Variants in PPP1R13B observed in about 807,000 individuals in gnomAD.
PPP1R13B encodes the protein protein phosphatase 1 regulatory subunit 13B.
In PPP1R13B, 44 loss-of-function variants were observed where a neutral mutation model predicts 119.8. That is an observed-to-expected ratio of 0.37 (90% confidence interval 0.29 to 0.47). The LOEUF (loss-of-function observed/expected upper bound fraction) is 0.47. PPP1R13B is among the 20% of genes least tolerant of loss of function. The probability of loss-of-function intolerance (pLI) is 0.99; values close to 1 mark genes in which losing one functional copy is unlikely to be tolerated. For missense variants in PPP1R13B, 1,227 were observed against 1,413.5 expected (o/e 0.87, Z 2.12); for synonymous variants, 542 against 561.5 (o/e 0.97, Z 0.49).
chr14:103,758,477 G>C (rs2084729118), intron 4 of PPP1R13B, among the ~76,000 whole-genome samples: 1 of 152,226 alleles, frequency 6.6e-6, no homozygotes, highest in Non-Finnish European at 1.5e-5. Flanking sequence ...CAGAGACACA[G>C]AGTCTATGTT....
At position 103,740,314 on chromosome 14, in the gene PPP1R13B, G is replaced by A. The variant is rs1170589510; in HGVS notation, c.2102C>T (p.Ala701Val). Reference sequence around the variant, plus strand: ...GCTGCGCTTTTTCAGGGGCCGGGGCGCGTTGGCCAGCTTCCTGCGGAGGGC... The same window carrying A: ...GCTGCGCTTTTTCAGGGGCCGGGGCACGTTGGCCAGCTTCCTGCGGAGGGC... Reference protein sequence around the residue: ...LEALRRKLANAPRPLKKRSSI... With the variant: ...LEALRRKLANVPRPLKKRSSI... The change falls in exon 12 of 17, where the codon GCG (alanine) becomes GTG (valine). Residue 701 changes from alanine to valine, a missense_variant. Transcript: ENST00000202556. The surrounding 1 kb of genome is among the most constrained non-coding windows in gnomAD (Gnocchi z 4.6). 3.8e-6 allele frequency: 6 copies of A among 1,574,940 alleles called. No individual in the cohort carries two copies. Among genetic ancestry groups the A allele is most frequent in the Non-Finnish European group, 4.3e-6 (5 of 1,160,718 alleles).
intron 4 of PPP1R13B, among the ~76,000 whole-genome samples, chr14:103,769,378 A>C (rs927668893): frequency 6.6e-6 from 1 of 152,050 alleles, no homozygotes; most frequent in African/African-American, 2.4e-5. Context: ...GGTGTGGGCC[A>C]CTGTGCTTGG....
Position 103,739,113 on chromosome 14 carries a change from A to G in PPP1R13B, c.2593-90T>C, listed in dbSNP as rs1029629533. On this transcript the variant is annotated intron_variant, in intron 12 of 16. Coordinates refer to ENST00000202556, the MANE Select transcript of PPP1R13B (RefSeq NM_015316.3). ...GCTGGGAAGGAGTGGTGGGAGCTAA[A>G]GCCCAAAGACAGTGGCTCCGCGAAG... 2.0e-6 allele frequency: 3 copies of G among 1,526,746 alleles called. No individual in the cohort carries two copies. The African/African-American group carries it at 4.1e-5, about 21-fold the overall frequency. 94.6% of individuals were successfully genotyped at this position (1,526,746 alleles called of 1,614,324 possible).
rs1555441225 is a variant in PPP1R13B at position 103,791,118 on chromosome 14, T to TTC, written c.158-6205_158-6204insGA. Among the ~76,000 whole-genome samples the TTC allele has an allele frequency of 4.4e-4, 64 of 144,848 alleles. No homozygotes were observed. The East Asian group carries it at 0.012, about 28-fold the overall frequency. On this transcript the variant is annotated intron_variant, in intron 2 of 16. Transcript: ENST00000202556. ...TAATGCACATTATGCTGCTGACTTT[T>TTC]TTCTTCTTTTTTTTTTTTTAAGAGA...
At chr14:103,777,001 G>A (rs904978825) in intron 4 of PPP1R13B, among the ~76,000 whole-genome samples, 8 of 151,526 alleles carry the variant, frequency 5.3e-5, no homozygotes, top group East Asian at 1.9e-4. Flanking sequence ...CCAACATTTC[G>A]GCTTTTTTTG....
In PPP1R13B at chr14:103,784,880, T is replaced by A; in HGVS notation, c.192A>T (p.Glu64Asp). 1 of 1,607,982 alleles carries A rather than the reference T, an allele frequency of 6.2e-7. No homozygotes were observed. ...TCCGTGGACCCCATTTCTGAAGATG[T>A]TCGTACATCATATGATCAAAGGGTA... ...RPIPFDHMMY[E>D]HLQKWGPRRE... Residue 64 changes from glutamate to aspartate, a missense_variant, in exon 3 of 17, where the codon GAA (glutamate) becomes GAT (aspartate). By Grantham distance (45) the Glu-to-Asp change is conservative. Coordinates refer to ENST00000202556, the MANE Select transcript of PPP1R13B (RefSeq NM_015316.3).
intron 2 of PPP1R13B, among the ~76,000 whole-genome samples, chr14:103,789,569 C>T (rs1316014575): frequency 2.7e-5 from 4 of 150,084 alleles, no homozygotes; most frequent in Non-Finnish European, 5.9e-5. Context: ...GGCTAGAGTA[C>T]AGTGGCGCCA....
chr14:103,808,152 T>G (rs549180969), intron 1 of PPP1R13B, among the ~76,000 whole-genome samples: 1 of 151,114 alleles, frequency 6.6e-6, no homozygotes, highest in African/African-American at 2.4e-5. Context: ...GCTGAGACAG[T>G]GGAATCCCTT....
chr14:103,793,150 G>A (rs998019295), intron 2 of PPP1R13B, among the ~76,000 whole-genome samples: 1 of 145,424 alleles, frequency 6.9e-6, no homozygotes, highest in Admixed American at 6.9e-5. Context: ...GGAGGGAAAG[G>A]AGGGGAAGGG....
intron 7 of PPP1R13B, among the ~76,000 whole-genome samples, chr14:103,750,867 G>A (rs1387918066): frequency 6.6e-6 from 1 of 150,784 alleles, no homozygotes; most frequent in Non-Finnish European, 1.5e-5. Context: ...ATAAAAACTG[G>A]GTTGCAGGCT....
chr14:103,762,563 T>C (rs369692415), intron 4 of PPP1R13B, among the ~76,000 whole-genome samples: 4 of 149,474 alleles, frequency 2.7e-5, no homozygotes, highest in African/African-American at 9.9e-5. Context: ...CAAACCTGCA[T>C]GTTGTGCACA....
intron 1 of PPP1R13B, among the ~76,000 whole-genome samples, chr14:103,811,319 T>C (rs1370823517): frequency 1.3e-5 from 2 of 151,904 alleles, no homozygotes; most frequent in African/African-American, 2.4e-5. Flanking sequence ...ATTAAGAGAA[T>C]GAAAAGACAA....
rs1272336163 is a variant in PPP1R13B at position 103,740,479 on chromosome 14, T to A, written c.1937A>T (p.Glu646Val). ...PQPQPPSESTEKEPEQDGPAA... is the reference protein window; with the variant it reads ...PQPQPPSESTVKEPEQDGPAA... ...GGGGCCATCCTGCTCAGGCTCTTTC[T>A]CAGTACTTTCTGAAGGTGGCTGAGG... The change falls in exon 12 of 17, where the codon GAG becomes GTG. Residue 646 changes from glutamate (E) to valine (V), a missense_variant. Transcript: ENST00000202556. The surrounding 1 kb of genome is among the most constrained non-coding windows in gnomAD (Gnocchi z 4.6). 1.2e-6 allele frequency: 2 copies of A among 1,609,302 alleles called. No individual in the cohort carries two copies. Among genetic ancestry groups the A allele is most frequent in the Admixed American group, 1.7e-5 (1 of 59,728 alleles).
At chr14:103,839,726 C>T (rs998512362) in intron 1 of PPP1R13B, among the ~76,000 whole-genome samples, 5 of 152,118 alleles carry the variant, frequency 3.3e-5, no homozygotes, top group African/African-American at 9.7e-5. Flanking sequence ...CACCTGACTT[C>T]ACCTCCTCCA....
intron 4 of PPP1R13B, among the ~76,000 whole-genome samples, chr14:103,772,174 A>G (rs2085086068): frequency 6.6e-6 from 1 of 151,984 alleles, no homozygotes; most frequent in African/African-American, 2.4e-5. Context: ...TTAGTAGTTC[A>G]TTTCTTCTGA....
chr14:103,781,341 G>A (rs746124579), intron 3 of PPP1R13B, among the ~76,000 whole-genome samples: 56 of 152,100 alleles, frequency 3.7e-4, no homozygotes, highest in African/African-American at 1.0e-3. Context: ...CAGAGAGGAC[G>A]GACCCTGGTC....
chr14:103,734,817 A>C lies in PPP1R13B; in HGVS notation c.*337T>G. 1 of 463,436 alleles carries C rather than the reference A, an allele frequency of 2.2e-6. No individual in the cohort carries two copies. Among genetic ancestry groups the C allele is most frequent in the East Asian group, 5.7e-5 (1 of 17,418 alleles). The allele number at this position is 463,436 out of a possible 1,614,324, so 28.7% of individuals were successfully genotyped here. ...GGAGGGGGTGATGGCCTCGGGGCCA[A>C]GTCAGTAAGAGCTTCTGTCTTCACT... On this transcript the variant is annotated 3_prime_UTR_variant, in exon 17 of 17. Coordinates refer to ENST00000202556, the MANE Select transcript of PPP1R13B (RefSeq NM_015316.3).
At chr14:103,824,147 G>C (rs1016942528) in intron 1 of PPP1R13B, among the ~76,000 whole-genome samples, 7 of 140,382 alleles carry the variant, frequency 5.0e-5, no homozygotes, top group Non-Finnish European at 1.1e-4. Context: ...CCAGGTTCAA[G>C]CAATTCTCCT....
rs765077409 is a variant in PPP1R13B at position 103,740,313 on chromosome 14, C to T, written c.2103G>A (p.Ala701=). ...LEALRRKLAN[A]PRPLKKRSSI... is the part of the protein sequence containing the mutation. ...AGCTGCGCTTTTTCAGGGGCCGGGG[C>T]GCGTTGGCCAGCTTCCTGCGGAGGG... The change falls in exon 12 of 17, where the codon GCG becomes GCA. Residue 701 remains alanine, a synonymous_variant. Coordinates refer to ENST00000202556, the MANE Select transcript of PPP1R13B (RefSeq NM_015316.3). The surrounding 1 kb of genome is among the most constrained non-coding windows in gnomAD (Gnocchi z 4.6). 1.4e-5 allele frequency: 22 copies of T among 1,574,946 alleles called. No individual in the cohort carries two copies. The highest frequency in any genetic ancestry group is 1.4e-4 in the East Asian group (6 of 44,422).
Sources: gnomAD v4.1 joint callset for allele counts (sites outside exome capture counted in the v4.1 genomes callset) on GRCh38, gnomAD v4.1.1 for gene constraint, Gnocchi (gnomAD v3.1) non-coding constraint, MANE v1.5 for transcripts, NCBI Gene and HGNC (gene_info 2026-07-23, HGNC 2026-07-21) for gene names.